Variants in PAK1 observed in about 807,000 individuals in gnomAD.
The protein encoded by PAK1 is serine/threonine-protein kinase PAK 1.
A neutral mutation model predicts 67.4 loss-of-function variants in PAK1; 29 were observed. The observed-to-expected ratio is 0.43, with a 90% CI of 0.32 to 0.59. The LOEUF is 0.59. Ranked by LOEUF, PAK1 falls within the 20% of genes least tolerant of loss-of-function variation. The probability of loss-of-function intolerance (pLI) is 0.07; values close to 1 mark genes in which losing one functional copy is unlikely to be tolerated. For synonymous variants in PAK1, 223 were observed against 237.4 expected (o/e 0.94, Z 0.56); for missense variants, 337 against 670.7 (o/e 0.50, Z 5.50).
At chr11:77,364,749 T>C (rs1356591962) in intron 5 of PAK1, among the ~76,000 whole-genome samples, 1 of 152,132 alleles carries the variant, frequency 6.6e-6, no homozygotes, top group African/African-American at 2.4e-5. Flanking sequence ...AGAATAAAGA[T>C]TTCAACTCAG....
intron 4 of PAK1, 33 bp downstream of exon 4, chr11:77,379,208 T>C (rs767538784): frequency 3.7e-5 from 58 of 1,551,720 alleles, no homozygotes; most frequent in Non-Finnish European, 4.7e-5. Flanking sequence ...AAACCATCTC[T>C]TGCTGAGACT....
intron 13 of PAK1, among the ~76,000 whole-genome samples, chr11:77,335,541 T>C (rs2136168779): frequency 6.6e-6 from 1 of 152,336 alleles, no homozygotes; most frequent in Admixed American, 6.5e-5. Context: ...ATTTCCTGAA[T>C]CTGACCACTT....
chr11:77,465,786 C>CA (rs1328711749), intron 1 of PAK1, among the ~76,000 whole-genome samples: 11 of 151,914 alleles, frequency 7.2e-5, no homozygotes, highest in Non-Finnish European at 1.3e-4. Flanking sequence ...CCTGTCTCTA[C>CA]AAAAAATACA....
At chr11:77,413,516 T>C (rs1954768213) in intron 1 of PAK1, among the ~76,000 whole-genome samples, 1 of 151,994 alleles carries the variant, frequency 6.6e-6, no homozygotes, top group South Asian at 2.1e-4. Context: ...AAACCCCGTC[T>C]CTACTAAAAA....
intron 9 of PAK1, chr11:77,347,098 C>G (rs767833820): frequency 2.2e-6 from 1 of 456,110 alleles, no homozygotes; most frequent in African/African-American, 2.0e-5. Context: ...GGAAATGAAG[C>G]CTTCCTGACC....
At chr11:77,369,116 T>C (rs182307596) in intron 5 of PAK1, among the ~76,000 whole-genome samples, 94 of 152,344 alleles carry the variant, frequency 6.2e-4, no homozygotes, top group Admixed American at 3.8e-3. Context: ...TAATGAGATG[T>C]CTGATGCTAA....
Position 77,332,744 on chromosome 11 carries a change from T to C in PAK1, c.1537A>G (p.Lys513Glu), listed in dbSNP as rs760950250. The change falls in exon 14 of 15, where the codon AAA becomes GAA. Residue 513 changes from lysine to glutamate, a missense_variant. Physicochemically the swap from Lys to Glu is moderately conservative, Grantham distance 56. Around this residue, in one of 8 missense-constraint regions of PAK1, gnomAD observed 71 missense variants for 160.5 expected, o/e 0.44. Coordinates refer to ENST00000356341, the MANE Select transcript of PAK1 (RefSeq NM_002576.5). ...EMDVEKRGSA[K>E]ELLQHQFLKI... The stretch of plus-strand genomic sequence containing the variant: ...AGGACAGTTACCTGTAGCAGCTCTT[T>C]AGCTGAACCTCTCTTCTCCACATCC... The C allele has an allele frequency of 1.9e-6, 3 of 1,613,832 alleles. No individual in the cohort carries two copies. Among genetic ancestry groups the C allele is most frequent in the Non-Finnish European group, 1.7e-6 (2 of 1,179,768 alleles).
chr11:77,415,377 G>A (rs969468612), intron 1 of PAK1, among the ~76,000 whole-genome samples: 16 of 152,206 alleles, frequency 1.1e-4, no homozygotes, highest in African/African-American at 3.6e-4. Context: ...TACATTCTGA[G>A]AAAAGTGTCA....
rs1296967290 is a variant in PAK1 at position 77,323,255 on chromosome 11, G to C, written c.*19C>G. ...TCTCACAGAAGGCTTGGCACAATGA[G>C]GCTGGGGTGAGTGTGGTTTTAGTGA... is the stretch of plus-strand genomic sequence containing the variant. On this transcript the variant is annotated 3_prime_UTR_variant, in exon 15 of 15. Coordinates refer to ENST00000356341, the MANE Select transcript of PAK1 (RefSeq NM_002576.5). The C allele has an allele frequency of 1.2e-6, 2 of 1,613,444 alleles. No homozygotes were observed. The highest frequency in any genetic ancestry group is 2.7e-5 in the African/African-American group (2 of 74,906).
chr11:77,325,773 A>C (rs563696566), intron 14 of PAK1, among the ~76,000 whole-genome samples: 2 of 152,236 alleles, frequency 1.3e-5, no homozygotes, highest in Admixed American at 6.5e-5. Flanking sequence ...TCTCATAACT[A>C]ATAGGCCAGT....
intron 1 of PAK1, among the ~76,000 whole-genome samples, chr11:77,427,249 T>G (rs1376401699): frequency 6.6e-6 from 1 of 152,146 alleles, no homozygotes; most frequent in Non-Finnish European, 1.5e-5. Flanking sequence ...GAGACACATA[T>G]CACAATGCTG....
At chr11:77,394,661 A>G (rs1446666584) in intron 1 of PAK1, among the ~76,000 whole-genome samples, 2 of 152,152 alleles carry the variant, frequency 1.3e-5, no homozygotes, top group African/African-American at 4.8e-5. Context: ...CCTGGCCAAT[A>G]TGGTGAAACC....
At chr11:77,502,350 C>G in the PAK1 span, among the ~76,000 whole-genome samples, 2 of 152,164 alleles carry the variant, frequency 1.3e-5, no homozygotes, top group Non-Finnish European at 2.9e-5. Flanking sequence ...TATTTTCAAC[C>G]AGCACAGAAT....
intron 14 of PAK1, among the ~76,000 whole-genome samples, chr11:77,324,776 CAGAGAGAGAGAGAG>C (rs749691736): frequency 2.8e-4 from 36 of 126,902 alleles, no homozygotes; most frequent in African/African-American, 1.5e-3. Context: ...CACACACACA[CAGAGAGAGAGAGAG>C]ACAGAGAGAG....
At chr11:77,377,900 GAGTA>G (rs1208885291) in intron 4 of PAK1, among the ~76,000 whole-genome samples, 6 of 152,130 alleles carry the variant, frequency 3.9e-5, no homozygotes, top group Non-Finnish European at 7.4e-5. Context: ...TCCCTCAATG[GAGTA>G]AGTGAGACAG....
chr11:77,367,732 A>C (rs1241989979), intron 5 of PAK1, among the ~76,000 whole-genome samples: 2 of 152,184 alleles, frequency 1.3e-5, no homozygotes, highest in Non-Finnish European at 2.9e-5. Context: ...TAATCCCAGC[A>C]CTCTGGGAGG....
At chr11:77,351,062 C>T (rs903927185) in intron 8 of PAK1, among the ~76,000 whole-genome samples, 7 of 152,062 alleles carry the variant, frequency 4.6e-5, no homozygotes, top group African/African-American at 9.7e-5. Flanking sequence ...ATATGAATTC[C>T]AAGTCCAAAA....
chr11:77,429,056 T>TAAAAAAAAAAAAAAAA lies in PAK1; in HGVS notation c.-21-36531_-21-36516dup, dbSNP rs566874549. ...TTGGATTCTAAATGCCATTTAATAC[T>TAAAAAAAAAAAAAAAA]AAAAAAAAAAAAAAAAAAAAAAAAA... On this transcript the variant is annotated intron_variant, in intron 1 of 14. Transcript: ENST00000356341. 4.3e-4 allele frequency among the ~76,000 whole-genome samples: 21 copies of TAAAAAAAAAAAAAAAA among 48,992 alleles called. 2 individuals are homozygous for TAAAAAAAAAAAAAAAA. The highest frequency in any genetic ancestry group is 8.8e-4 in the Admixed American group (3 of 3,422). The allele number at this position is 48,992 out of a possible 152,430, so 32.1% of individuals were successfully genotyped here.
chr11:77,392,743 A>G (rs532783396), intron 1 of PAK1, among the ~76,000 whole-genome samples: 2 of 152,324 alleles, frequency 1.3e-5, no homozygotes, highest in South Asian at 2.1e-4. Flanking sequence ...AAAAATCACA[A>G]TATCTTGCTT....
Sources: allele counts gnomAD v4.1 joint callset (sites outside exome capture counted in the v4.1 genomes callset), GRCh38; gene constraint gnomAD v4.1.1; regional missense constraint gnomAD v4.1.1; transcripts MANE v1.5; gene names NCBI Gene and HGNC (gene_info 2026-07-23, HGNC 2026-07-21).